GTF2E1: variants seen among roughly 807,000 people sequenced by gnomAD.
The protein encoded by GTF2E1 is TFIIE alpha subunit.
In GTF2E1, 14 loss-of-function variants were observed where a neutral mutation model predicts 34.9. The ratio of observed to expected loss-of-function variants is 0.40; its 90% CI spans 0.27 to 0.63. The LOEUF is 0.63. GTF2E1 is among the 20% of genes least tolerant of loss of function. The probability of loss-of-function intolerance (pLI) is 0.39; values close to 1 mark genes in which losing one functional copy is unlikely to be tolerated. For missense variants in GTF2E1, 469 were observed against 557.7 expected, an observed-to-expected ratio of 0.84 and a Z score of 1.60; for synonymous variants, 188 against 192.9, an observed-to-expected ratio of 0.97 and a Z score of 0.21.
chr3:120,774,115 A>G (rs1164023000), intron 3 of GTF2E1, among the ~76,000 whole-genome samples: 1 of 152,198 alleles, frequency 6.6e-6, no homozygotes, highest in South Asian at 2.1e-4. Context: ...AATCAAGGAA[A>G]GATAAGGATG....
At chr3:120,768,954 T>C (rs1469203550) in intron 2 of GTF2E1, among the ~76,000 whole-genome samples, 1 of 152,182 alleles carries the variant, frequency 6.6e-6, no homozygotes, top group Non-Finnish European at 1.5e-5. Context: ...GTTGCACCAT[T>C]TCTCTTTCTC....
intron 2 of GTF2E1, among the ~76,000 whole-genome samples, chr3:120,760,997 A>G (rs1181737388): frequency 6.6e-6 from 1 of 152,204 alleles, no homozygotes; most frequent in Admixed American, 6.5e-5. Flanking sequence ...TTCAGAAGGA[A>G]TGGTACCAGC....
At chr3:120,761,980 C>A (rs531157782) in intron 2 of GTF2E1, among the ~76,000 whole-genome samples, 1 of 151,832 alleles carries the variant, frequency 6.6e-6, no homozygotes, top group Non-Finnish European at 1.5e-5. Flanking sequence ...TTAGTAGAGA[C>A]GGGATTTCAC....
At chr3:120,752,820 C>T (rs1487087432) in intron 2 of GTF2E1, among the ~76,000 whole-genome samples, 4 of 152,118 alleles carry the variant, frequency 2.6e-5, no homozygotes, top group Non-Finnish European at 5.9e-5. Flanking sequence ...CTATGGTCAG[C>T]ATGAAGATGA....
At chr3:120,762,846 T>C (rs1267369870) in intron 2 of GTF2E1, among the ~76,000 whole-genome samples, 1 of 152,186 alleles carries the variant, frequency 6.6e-6, no homozygotes, top group Non-Finnish European at 1.5e-5. Flanking sequence ...CTCTCAACTC[T>C]AGTTTTATAC....
intron 4 of GTF2E1, among the ~76,000 whole-genome samples, chr3:120,778,450 C>G (rs184182253): frequency 6.6e-6 from 1 of 152,176 alleles, no homozygotes; most frequent in Non-Finnish European, 1.5e-5. Context: ...ATGTTGATAT[C>G]TTTCACAATT....
chr3:120,776,468 T>TGGGCAC lies in GTF2E1; in HGVS notation c.697_702dup (p.Gly233_His234dup), dbSNP rs1559835074. 5.6e-6 allele frequency: 9 copies of TGGGCAC among 1,613,516 alleles called. No homozygotes were observed. Among genetic ancestry groups the TGGGCAC allele is most frequent in the Non-Finnish European group, 8.5e-7 (1 of 1,179,646 alleles). On this transcript the variant is annotated inframe_insertion, in exon 4 of 5. Transcript: ENST00000283875. The stretch of plus-strand genomic sequence containing the variant: ...CTGCTGGAGCTGCTAGCCTAGCAGG[T>TGGGCAC]GGGCACCACCGGGAAGCATGGGCCA...
chr3:120,755,731 A>AT (rs944511270), intron 2 of GTF2E1, among the ~76,000 whole-genome samples: 27 of 151,688 alleles, frequency 1.8e-4, no homozygotes, highest in African/African-American at 5.1e-4. Flanking sequence ...CTTTCTAACT[A>AT]TTTTTTTTAC....
At chr3:120,756,208 C>T (rs1015861278) in intron 2 of GTF2E1, among the ~76,000 whole-genome samples, 1 of 152,176 alleles carries the variant, frequency 6.6e-6, no homozygotes, top group African/African-American at 2.4e-5. Flanking sequence ...GGTGATTGTA[C>T]TAATTTACAT....
chr3:120,765,655 ACTTAACGCCTCTTAAGCGTTCATTTC>A (rs1361534589), intron 2 of GTF2E1, among the ~76,000 whole-genome samples: 1 of 152,236 alleles, frequency 6.6e-6, no homozygotes, highest in Non-Finnish European at 1.5e-5. Flanking sequence ...GACTTGGTAA[ACTTAACGCCTCTTAAGCGTTCATTTC>A]CTTGTATGTC....
chr3:120,764,857 C>T (rs1252964596), intron 2 of GTF2E1, among the ~76,000 whole-genome samples: 1 of 151,890 alleles, frequency 6.6e-6, no homozygotes, highest in Non-Finnish European at 1.5e-5. Flanking sequence ...CAGTGAGTAA[C>T]ATGTTTGTTA....
At chr3:120,765,236 T>C (rs1201394066) in intron 2 of GTF2E1, among the ~76,000 whole-genome samples, 4 of 152,140 alleles carry the variant, frequency 2.6e-5, no homozygotes, top group Non-Finnish European at 4.4e-5. Flanking sequence ...AATTGGGACA[T>C]TCCTATACTA....
intron 1 of GTF2E1, among the ~76,000 whole-genome samples, chr3:120,747,341 C>T (rs1294017471): frequency 1.3e-5 from 2 of 151,816 alleles, no homozygotes; most frequent in African/African-American, 4.8e-5. Flanking sequence ...TGGTGTGCTG[C>T]ACCCATTAAC....
Position 120,776,598 on chromosome 3 carries a change from G to A in GTF2E1, c.826G>A (p.Glu276Lys), listed in dbSNP as rs200335600. The change falls in exon 4 of 5, where the codon GAG (glutamate) becomes AAG (lysine). Residue 276 changes from glutamate (E) to lysine (K), a missense_variant. Transcript: ENST00000283875. Reference protein sequence around the residue: ...RASLEGKSAKERPIWLRESTV... With the variant: ...RASLEGKSAKKRPIWLRESTV... ...CTCACTGGAAGGGAAATCTGCCAAA[G>A]AGAGGCCTATTTGGTTGAGAGAAAG... 108 of 1,612,966 alleles carry A rather than the reference G, an allele frequency of 6.7e-5. No homozygotes were observed. Among genetic ancestry groups the A allele is most frequent in the Non-Finnish European group, 8.7e-5 (102 of 1,179,118 alleles).
intron 2 of GTF2E1, among the ~76,000 whole-genome samples, chr3:120,757,946 T>A (rs1376167249): frequency 6.6e-6 from 1 of 152,134 alleles, no homozygotes; most frequent in African/African-American, 2.4e-5. Flanking sequence ...GCGGATCACT[T>A]GAGGTTAGGA....
intron 3 of GTF2E1, among the ~76,000 whole-genome samples, chr3:120,772,269 A>G (rs1048846218): frequency 2.4e-4 from 37 of 152,322 alleles, no homozygotes; most frequent in Admixed American, 2.2e-3. Flanking sequence ...TTTCTAAACC[A>G]GCAGCTGGCA....
At chr3:120,748,510 C>G (rs1304592769) in intron 1 of GTF2E1, among the ~76,000 whole-genome samples, 1 of 152,162 alleles carries the variant, frequency 6.6e-6, no homozygotes, top group Non-Finnish European at 1.5e-5. Context: ...AATAGGGAAT[C>G]CTTTCCCCAT....
chr3:120,768,892 C>A (rs978244735), intron 2 of GTF2E1, among the ~76,000 whole-genome samples: 1 of 152,154 alleles, frequency 6.6e-6, no homozygotes, highest in African/African-American at 2.4e-5. Flanking sequence ...CTCTTGTTGG[C>A]CTCTTAATAT....
intron 2 of GTF2E1, among the ~76,000 whole-genome samples, chr3:120,751,594 A>C (rs1320709292): frequency 2.0e-5 from 3 of 152,188 alleles, no homozygotes; most frequent in Non-Finnish European, 4.4e-5. Context: ...ATTTGATTGA[A>C]TAGTTTTAAG....
Sources: allele counts gnomAD v4.1 joint callset (sites outside exome capture counted in the v4.1 genomes callset), GRCh38; gene constraint gnomAD v4.1.1; transcripts MANE v1.5; gene names NCBI Gene and HGNC (gene_info 2026-07-23, HGNC 2026-07-21).